ADARB2: variants seen among roughly 807,000 people sequenced by gnomAD.
ADARB2 encodes inactive double-stranded RNA-specific editase B2.
ADARB2 carries 25 observed loss-of-function variants against 62.2 expected under a neutral mutation model. The observed-to-expected ratio is 0.40, with a 90% CI of 0.29 to 0.56. The LOEUF (loss-of-function observed/expected upper bound fraction) is 0.56. Among genes scored for constraint, ADARB2 ranks in the 20% least tolerant of loss-of-function variants. The pLI, the probability that ADARB2 is intolerant of heterozygous loss-of-function variation, is 0.43. For synonymous variants in ADARB2, 572 were observed against 500.8 expected, an observed-to-expected ratio of 1.14 and a Z score of -1.90; for missense variants, 1,071 against 1,077.4, an observed-to-expected ratio of 0.99 and a Z score of 0.08.
intron 1 of ADARB2, among the ~76,000 whole-genome samples, chr10:1,455,058 C>G (rs146665429): frequency 6.6e-6 from 1 of 152,310 alleles, no homozygotes; most frequent in Non-Finnish European, 1.5e-5. Flanking sequence ...GCTTTTCCCC[C>G]TCAGTGGAAA....
intron 1 of ADARB2, among the ~76,000 whole-genome samples, chr10:1,526,384 C>T (rs1470036039): frequency 6.6e-6 from 1 of 151,934 alleles, no homozygotes; most frequent in African/African-American, 2.4e-5. Context: ...GGTTTGTCCC[C>T]TCCAGATCTC....
intron 1 of ADARB2, among the ~76,000 whole-genome samples, chr10:1,733,535 G>A (rs1347521456): frequency 6.6e-6 from 1 of 151,982 alleles, no homozygotes; most frequent in Non-Finnish European, 1.5e-5. Flanking sequence ...TTATTCCAGG[G>A]TTCAGAGAAT....
chr10:1,668,621 T>G (rs1402230549), intron 1 of ADARB2, among the ~76,000 whole-genome samples: 2 of 152,130 alleles, frequency 1.3e-5, no homozygotes. Context: ...CAAATAGCAA[T>G]TAGGGCTGAA....
intron 1 of ADARB2, among the ~76,000 whole-genome samples, chr10:1,434,877 A>G (rs1417307141): frequency 6.6e-6 from 1 of 152,220 alleles, no homozygotes; most frequent in African/African-American, 2.4e-5. Context: ...TGGTCTGGCG[A>G]TAGTTTCTGC....
Position 1,183,009 on chromosome 10 carries a change from C to T in ADARB2, c.*184G>A, listed in dbSNP as rs775474216. 179 of 680,882 alleles carry T rather than the reference C, an allele frequency of 2.6e-4. 1 individual carries two copies. Among genetic ancestry groups the T allele is most frequent in the Non-Finnish European group, 3.5e-4 (145 of 413,396 alleles). The allele number at this position is 680,882 out of a possible 1,614,324, so 42.2% of individuals were successfully genotyped here. On this transcript the variant is annotated 3_prime_UTR_variant, in exon 10 of 10. Transcript: ENST00000381312. ...GTGGGGGACAGGGTTCTGGGGCCAG[C>T]GATCTGGAAAGAGGCACGTTCTGAA...
intron 1 of ADARB2, among the ~76,000 whole-genome samples, chr10:1,531,234 C>T (rs1025447094): frequency 5.3e-5 from 8 of 152,214 alleles, no homozygotes; most frequent in African/African-American, 1.9e-4. Context: ...AGTGGCCGAA[C>T]AGGTCTTGCC....
At chr10:1,730,577 TAG>T (rs917136270) in intron 1 of ADARB2, among the ~76,000 whole-genome samples, 5 of 152,270 alleles carry the variant, frequency 3.3e-5, no homozygotes, top group Admixed American at 1.3e-4. Context: ...TTTCACCTCT[TAG>T]AGAGTTGAAA....
At chr10:1,623,198 T>C (rs1022858423) in intron 1 of ADARB2, among the ~76,000 whole-genome samples, 1 of 152,100 alleles carries the variant, frequency 6.6e-6, no homozygotes, top group East Asian at 1.9e-4. Flanking sequence ...AAAACATCAT[T>C]AAATAAATGA....
intron 1 of ADARB2, among the ~76,000 whole-genome samples, chr10:1,472,210 C>CAGG (rs780660947): frequency 6.6e-6 from 1 of 152,100 alleles, no homozygotes; most frequent in Admixed American, 6.5e-5. Context: ...TGTAGGGTCT[C>CAGG]AGGAGGAGGT....
chr10:1,211,376 CTCTA>C (rs776118245), intron 7 of ADARB2, among the ~76,000 whole-genome samples: 1 of 152,058 alleles, frequency 6.6e-6, no homozygotes. Context: ...TATCTGTCAT[CTCTA>C]TCCATCTATC....
At chr10:1,722,904 T>C (rs1028447562) in intron 1 of ADARB2, among the ~76,000 whole-genome samples, 2 of 152,204 alleles carry the variant, frequency 1.3e-5, no homozygotes, top group Admixed American at 1.3e-4. Context: ...TGCCTATACA[T>C]ACGTGTATAT....
chr10:1,551,696 A>G (rs4880869), intron 1 of ADARB2, among the ~76,000 whole-genome samples: 87,365 of 152,176 alleles, frequency 0.57, 25,430 homozygotes, highest in East Asian at 0.76. Flanking sequence ...CTGAGGCGCC[A>G]GGGCCTGGGA....
chr10:1,565,597 C>T (rs1468169398), intron 1 of ADARB2, among the ~76,000 whole-genome samples: 1 of 152,122 alleles, frequency 6.6e-6, no homozygotes, highest in Admixed American at 6.6e-5. Context: ...CTGACTTCTG[C>T]CACCCAGGAA....
intron 1 of ADARB2, among the ~76,000 whole-genome samples, chr10:1,508,555 T>G (rs1036957532): frequency 2.0e-5 from 3 of 152,180 alleles, no homozygotes; most frequent in African/African-American, 7.2e-5. Context: ...CAAGGCCGGC[T>G]GATTGTCTGA....
At chr10:1,264,084 G>A (rs957331596) in intron 4 of ADARB2, among the ~76,000 whole-genome samples, 3 of 151,950 alleles carry the variant, frequency 2.0e-5, no homozygotes, top group African/African-American at 7.3e-5. Flanking sequence ...GAATCTTAAT[G>A]TGCCTGAACA....
intron 3 of ADARB2, among the ~76,000 whole-genome samples, chr10:1,322,095 A>C (rs1831800989): frequency 6.6e-6 from 1 of 152,092 alleles, no homozygotes; most frequent in Non-Finnish European, 1.5e-5. Flanking sequence ...TGATATTTCT[A>C]AATAACTCAG....
At chr10:1,261,827 A>G (rs1831140135) in intron 4 of ADARB2, among the ~76,000 whole-genome samples, 1 of 150,136 alleles carries the variant, frequency 6.7e-6, no homozygotes, top group South Asian at 2.1e-4. Flanking sequence ...TTGCTGCTAT[A>G]AAGACACATG....
intron 2 of ADARB2, among the ~76,000 whole-genome samples, chr10:1,364,871 ATT>A (rs35539783): frequency 0.5 from 63,925 of 127,524 alleles, 14,938 homozygotes; most frequent in Middle Eastern, 0.57. Context: ...CATTTTGGTA[ATT>A]TTTTTTTTTT....
intron 1 of ADARB2, among the ~76,000 whole-genome samples, chr10:1,446,687 T>C (rs1221605304): frequency 2.6e-5 from 4 of 152,244 alleles, no homozygotes; most frequent in Non-Finnish European, 5.9e-5. Context: ...GTTTTCATAC[T>C]TTTTAAAGGA....
Sources: gnomAD v4.1 joint callset for allele counts (sites outside exome capture counted in the v4.1 genomes callset) on GRCh38, gnomAD v4.1.1 for gene constraint, MANE v1.5 for transcripts, NCBI Gene and HGNC (gene_info 2026-07-23, HGNC 2026-07-21) for gene names.